Variants in RPH3A observed in about 807,000 individuals in gnomAD.
RPH3A encodes the protein rabphilin 3A.
A neutral mutation model predicts 102.2 loss-of-function variants in RPH3A; 48 were observed. The ratio of observed to expected loss-of-function variants is 0.47; its 90% CI spans 0.37 to 0.60. The LOEUF is 0.60. Among genes scored for constraint, RPH3A ranks in the 20% least tolerant of loss-of-function variants. RPH3A has a pLI of 0.00. For missense variants in RPH3A, 781 were observed against 910.1 expected, an observed-to-expected ratio of 0.86 and a Z score of 1.83; for synonymous variants, 310 against 324.3, an observed-to-expected ratio of 0.96 and a Z score of 0.47.
chr12:112,727,034 C>T (rs1363136181), intron 1 of RPH3A, among the ~76,000 whole-genome samples: 11 of 151,422 alleles, frequency 7.3e-5, no homozygotes, highest in Admixed American at 4.6e-4. Context: ...AATAAATAAA[C>T]AAATAAATAA....
chr12:112,749,968 T>C (rs1265176834), intron 1 of RPH3A, among the ~76,000 whole-genome samples: 1 of 152,198 alleles, frequency 6.6e-6, no homozygotes, highest in Non-Finnish European at 1.5e-5. Flanking sequence ...TATGGGATGC[T>C]TAATAATGCA....
rs1317042378 is a variant in RPH3A at position 112,876,741 on chromosome 12, T to A, written c.1046T>A (p.Met349Lys). ...GCAGTTGGAGCCAGAGAGGACCGAATGAGCCACCCCTCCGGACCCTATTCC... is the reference window on the plus strand; with the variant it reads ...GCAGTTGGAGCCAGAGAGGACCGAAAGAGCCACCCCTCCGGACCCTATTCC... ...YPAVGAREDR[M>K]SHPSGPYSQA... The change falls in exon 13 of 22, where the codon ATG (methionine) becomes AAG (lysine). Residue 349 changes from methionine to lysine, a missense_variant. Met to Lys is a moderately conservative substitution (Grantham distance 95). Transcript: ENST00000389385. The A allele has an allele frequency of 1.2e-6, 2 of 1,613,234 alleles. No homozygotes were observed. Among genetic ancestry groups the A allele is most frequent in the East Asian group, 2.2e-5 (1 of 44,826 alleles).
chr12:112,885,992 C>T (rs528454518), intron 16 of RPH3A, among the ~76,000 whole-genome samples: 4 of 152,230 alleles, frequency 2.6e-5, no homozygotes, highest in African/African-American at 7.2e-5. Flanking sequence ...TTTGGAGATG[C>T]GTTGCCCTGA....
intron 1 of RPH3A, among the ~76,000 whole-genome samples, chr12:112,741,087 C>A (rs750613363): frequency 6.6e-6 from 1 of 152,168 alleles, no homozygotes; most frequent in Non-Finnish European, 1.5e-5. Context: ...ACATTGCCCA[C>A]CCCCTGCCTC....
upstream of RPH3A, among the ~76,000 whole-genome samples, chr12:112,788,472 A>G (rs1419213187): frequency 6.6e-6 from 1 of 152,178 alleles, no homozygotes; most frequent in Non-Finnish European, 1.5e-5. Context: ...GACAGACCTG[A>G]GATTTGCATC....
At chr12:112,881,712 A>T in intron 14 of RPH3A, 60 bp from the exon 15 acceptor site, 1 of 1,280,532 alleles carries the variant, frequency 7.8e-7, no homozygotes, top group South Asian at 1.3e-5. Flanking sequence ...CCCATTGCCG[A>T]TGACAGCTGA....
At position 112,627,365 on chromosome 12, in the gene RPH3A, CATAAT is replaced by C. The variant is rs1253570743; in HGVS notation, c.-140+52051_-140+52055del. ...ATTATGTACTATATATTATATGTAACATAATATAAATTATTATATATAAATATTTA... is the reference window on the plus strand; with the variant it reads ...ATTATGTACTATATATTATATGTAACATAAATTATTATATATAAATATTTA... On this transcript the variant is annotated intron_variant, in intron 1 of 21. Coordinates refer to the RPH3A transcript ENST00000543106. Among the ~76,000 whole-genome samples the C allele has an allele frequency of 3.4e-5, 5 of 148,030 alleles. No individual in the cohort carries two copies. In the South Asian group the frequency reaches 1.1e-3, roughly 31 times the overall value.
At chr12:112,589,573 GACCAACC>G (rs2039461830) in intron 1 of RPH3A, among the ~76,000 whole-genome samples, 1 of 152,038 alleles carries the variant, frequency 6.6e-6, no homozygotes, top group African/African-American at 2.4e-5. Context: ...CCCCTCCCCT[GACCAACC>G]TGTTTAACAT....
At chr12:112,744,498 G>A (rs775631744) in intron 1 of RPH3A, among the ~76,000 whole-genome samples, 6 of 152,150 alleles carry the variant, frequency 3.9e-5, no homozygotes, top group African/African-American at 2.4e-5. Context: ...CCCATGTTTC[G>A]GAGGGGAGTT....
chr12:112,859,868 C>T (rs144467234), intron 5 of RPH3A, among the ~76,000 whole-genome samples: 2 of 152,218 alleles, frequency 1.3e-5, no homozygotes, highest in Non-Finnish European at 2.9e-5. Flanking sequence ...ACATTCCCCC[C>T]ACACAGTGGC....
At chr12:112,587,270 T>C (rs761019454) in intron 1 of RPH3A, among the ~76,000 whole-genome samples, 3 of 152,200 alleles carry the variant, frequency 2.0e-5, no homozygotes, top group Non-Finnish European at 4.4e-5. Context: ...AAAGAGGTAA[T>C]AAAAATACAT....
intron 1 of RPH3A, among the ~76,000 whole-genome samples, chr12:112,595,069 C>A (rs1169806750): frequency 6.6e-6 from 1 of 152,184 alleles, no homozygotes; most frequent in African/African-American, 2.4e-5. Flanking sequence ...GGTCTTGAGT[C>A]CCATTTCCAC....
intron 2 of RPH3A, among the ~76,000 whole-genome samples, chr12:112,819,031 A>AAT (rs747570346): frequency 1.0e-3 from 151 of 149,922 alleles, no homozygotes; most frequent in African/African-American, 2.3e-3. Context: ...GCATAAGAAG[A>AAT]ATATATATAT....
chr12:112,849,844 C>T (rs2042293488), intron 5 of RPH3A, among the ~76,000 whole-genome samples: 2 of 152,296 alleles, frequency 1.3e-5, no homozygotes, highest in Admixed American at 1.3e-4. Flanking sequence ...AGGGAAAGTA[C>T]TCTGACTGGC....
intron 1 of RPH3A, among the ~76,000 whole-genome samples, chr12:112,739,943 TC>T (rs11344039): frequency 0.62 from 94,274 of 151,824 alleles, 29,753 homozygotes; most frequent in East Asian, 0.78. Context: ...TCTCCCTTCA[TC>T]CCCCCCCAGC....
At chr12:112,765,411 A>G (rs2040881874) in intron 1 of RPH3A, among the ~76,000 whole-genome samples, 1 of 152,148 alleles carries the variant, frequency 6.6e-6, no homozygotes, top group African/African-American at 2.4e-5. Flanking sequence ...AGATTTGGTT[A>G]AGTAAAGACC....
At chr12:112,881,945 A>G in intron 15 of RPH3A, 99 bp downstream of exon 15, 1 of 849,434 alleles carries the variant, frequency 1.2e-6, no homozygotes, top group South Asian at 1.8e-5. Context: ...TATCTGCCCC[A>G]AATCCCCAAC....
intron 1 of RPH3A, among the ~76,000 whole-genome samples, chr12:112,588,236 A>G (rs1193967203): frequency 3.3e-5 from 5 of 152,240 alleles, no homozygotes; most frequent in Non-Finnish European, 7.3e-5. Context: ...ATGTAGATGT[A>G]TTAGTCTGTT....
At chr12:112,703,981 G>A (rs889247222) in intron 1 of RPH3A, among the ~76,000 whole-genome samples, 16 of 152,130 alleles carry the variant, frequency 1.1e-4, no homozygotes, top group Admixed American at 8.5e-4. Flanking sequence ...TCCCAGATCA[G>A]ACTTGAGCTA....
Sources: allele counts gnomAD v4.1 joint callset (sites outside exome capture counted in the v4.1 genomes callset), GRCh38; gene constraint gnomAD v4.1.1; transcripts MANE v1.5; gene names NCBI Gene and HGNC (gene_info 2026-07-23, HGNC 2026-07-21).